The following PDE7B variants were observed in gnomAD, a reference collection of about 807,000 sequenced individuals.
The protein encoded by PDE7B is phosphodiesterase 7B.
Under a neutral mutation model 56.2 loss-of-function variants are expected in PDE7B, and 29 were observed. The observed-to-expected ratio is 0.52, with a 90% CI of 0.38 to 0.70. The LOEUF is 0.70. PDE7B is among the 30% of genes least tolerant of loss of function. The pLI is 0.00. For missense variants in PDE7B, 490 were observed against 565.0 expected, an observed-to-expected ratio of 0.87 and a Z score of 1.35; for synonymous variants, 197 against 196.9, an observed-to-expected ratio of 1.00 and a Z score of 0.00.
chr6:136,062,364 T>A (rs1377455545), intron 2 of PDE7B, among the ~76,000 whole-genome samples: 1 of 152,166 alleles, frequency 6.6e-6, no homozygotes, highest in African/African-American at 2.4e-5. Flanking sequence ...TGTGTTTGTG[T>A]GGTGGTGGGT....
intron 1 of PDE7B, among the ~76,000 whole-genome samples, chr6:135,936,780 T>A (rs920122997): frequency 6.6e-6 from 1 of 152,236 alleles, no homozygotes; most frequent in Non-Finnish European, 1.5e-5. Flanking sequence ...GAGGCCTGAC[T>A]GTTCATCACC....
At chr6:136,020,577 C>T (rs913304565) in intron 2 of PDE7B, among the ~76,000 whole-genome samples, 13 of 152,000 alleles carry the variant, frequency 8.6e-5, no homozygotes, top group Admixed American at 6.5e-4. Context: ...TCTCTTTTCA[C>T]AGAGGAGCAT....
At chr6:136,001,402 G>A (rs4896193) in intron 2 of PDE7B, among the ~76,000 whole-genome samples, 46,911 of 152,034 alleles carry the variant, frequency 0.31, 8,024 homozygotes, top group Admixed American at 0.43. Flanking sequence ...AAACTACTCC[G>A]GGCTACAGGA....
rs117979115 is a variant in PDE7B at position 135,974,974 on chromosome 6, G to A, written c.82+27450G>A. 2.1e-3 allele frequency among the ~76,000 whole-genome samples: 326 copies of A among 152,184 alleles called. 1 individual carries two copies. The highest frequency in any genetic ancestry group is 3.6e-3 in the Non-Finnish European group (242 of 68,002). On this transcript the variant is annotated intron_variant, in intron 2 of 12. Transcript: ENST00000308191. ...AAATGCCTCCAGGAGCCAAAAGGGT[G>A]AGGTGCAAGAGTGAGTGAAGCCAAC...
intron 1 of PDE7B, among the ~76,000 whole-genome samples, chr6:135,902,502 A>G (rs976080163): frequency 1.3e-5 from 2 of 148,162 alleles, no homozygotes; most frequent in African/African-American, 5.2e-5. Flanking sequence ...TATCTGAAAC[A>G]CAGAATATTT....
intron 1 of PDE7B, among the ~76,000 whole-genome samples, chr6:135,930,200 C>T (rs191734967): frequency 6.6e-6 from 1 of 152,094 alleles, no homozygotes. Context: ...AAAGAGAGAG[C>T]TTGTGTGGGG....
chr6:136,085,772 G>GTT (rs1429526102), intron 2 of PDE7B, among the ~76,000 whole-genome samples: 4 of 152,222 alleles, frequency 2.6e-5, no homozygotes, highest in African/African-American at 9.6e-5. Flanking sequence ...ATACCGGGAA[G>GTT]TTATTGCCCC....
chr6:136,173,703 G>A (rs1027710751), intron 8 of PDE7B, 94 bp from the exon 9 acceptor site: 1 of 836,282 alleles, frequency 1.2e-6, no homozygotes. Context: ...ACAAACTGGA[G>A]GGAAAATGCT....
chr6:135,853,072 A>G (rs1690101133), intron 1 of PDE7B, among the ~76,000 whole-genome samples: 1 of 152,222 alleles, frequency 6.6e-6, no homozygotes, highest in African/African-American at 2.4e-5. Flanking sequence ...AATTTAAGTA[A>G]TATATGGTTA....
chr6:136,052,969 C>G (rs915454802), intron 2 of PDE7B, among the ~76,000 whole-genome samples: 1 of 152,124 alleles, frequency 6.6e-6, no homozygotes, highest in Non-Finnish European at 1.5e-5. Flanking sequence ...TGGGTCCTAT[C>G]CCATTGGCTC....
At chr6:135,924,998 T>G (rs1173888017) in intron 1 of PDE7B, among the ~76,000 whole-genome samples, 2 of 84,282 alleles carry the variant, frequency 2.4e-5, no homozygotes, top group African/African-American at 3.9e-5. Context: ...ATTTGGGTGT[T>G]TTTTTTTTTT....
intron 3 of PDE7B, among the ~76,000 whole-genome samples, chr6:136,144,715 G>T (rs999691665): frequency 6.6e-6 from 1 of 152,026 alleles, no homozygotes; most frequent in African/African-American, 2.4e-5. Context: ...TGTCTTTCAT[G>T]ATATTGACAT....
chr6:136,071,024 A>G (rs1777042042), intron 2 of PDE7B, among the ~76,000 whole-genome samples: 1 of 152,048 alleles, frequency 6.6e-6, no homozygotes, highest in African/African-American at 2.4e-5. Flanking sequence ...GCCCTTTCCC[A>G]AGTATTCCAA....
chr6:135,912,159 G>C (rs1379668410), intron 1 of PDE7B, among the ~76,000 whole-genome samples: 1 of 152,154 alleles, frequency 6.6e-6, no homozygotes. Flanking sequence ...CAGCATAAGC[G>C]AAGAGTTGCT....
chr6:136,158,452 A>G (rs1204558049), intron 8 of PDE7B, among the ~76,000 whole-genome samples: 1 of 152,166 alleles, frequency 6.6e-6, no homozygotes, highest in African/African-American at 2.4e-5. Flanking sequence ...CTTGGGGAAC[A>G]CCCTGTGCGT....
chr6:135,888,213 C>T (rs974001849), intron 1 of PDE7B, among the ~76,000 whole-genome samples: 5 of 152,126 alleles, frequency 3.3e-5, no homozygotes, highest in Admixed American at 3.3e-4. Context: ...CACTGAGTAA[C>T]CTCTTTACAA....
chr6:136,191,729 G>A lies in PDE7B; in HGVS notation c.1242G>A (p.Lys414=), dbSNP rs766986954. 6 of 1,610,030 alleles carry A rather than the reference G, an allele frequency of 3.7e-6. No homozygotes were observed. The highest frequency in any genetic ancestry group is 4.2e-6 in the Non-Finnish European group (5 of 1,178,340). The change falls in exon 13 of 13, where the codon AAG becomes AAA. Residue 414 remains lysine, a synonymous_variant. Coordinates refer to ENST00000308191, the MANE Select transcript of PDE7B (RefSeq NM_018945.4). ...GHLAHNKAQW[K]SLLPRQHRSR... is the part of the protein sequence containing the mutation. The stretch of plus-strand genomic sequence containing the variant: ...TCGCACACAACAAGGCCCAGTGGAA[G>A]AGCCTGTTGCCCAGGCAGCACAGAA...
rs556255649 is a variant in PDE7B, at chr6:136,147,181, C to A, written c.167-170C>A. On this transcript the variant is annotated intron_variant, in intron 3 of 12. Transcript: ENST00000308191. ...TAAAAATTAAAAAAAAAACAAATATCAGGTATGTTCATGAAACATTTCAAA... is the reference window on the plus strand; with the variant it reads ...TAAAAATTAAAAAAAAAACAAATATAAGGTATGTTCATGAAACATTTCAAA... Among the ~76,000 whole-genome samples the A allele has an allele frequency of 3.3e-5, 5 of 151,774 alleles. No homozygotes were observed. The East Asian group carries it at 9.7e-4, about 29-fold the overall frequency.
At chr6:135,934,839 ATATT>A (rs1249415723) in intron 1 of PDE7B, among the ~76,000 whole-genome samples, 13 of 116,600 alleles carry the variant, frequency 1.1e-4, no homozygotes, top group East Asian at 2.2e-4. Flanking sequence ...ATAAATATAT[ATATT>A]TATTTAAATA....
Sources: allele counts gnomAD v4.1 joint callset (sites outside exome capture counted in the v4.1 genomes callset), GRCh38; gene constraint gnomAD v4.1.1; transcripts MANE v1.5; gene names NCBI Gene and HGNC (gene_info 2026-07-23, HGNC 2026-07-21).